The following DMRT1 variants were observed in gnomAD, a reference collection of about 807,000 sequenced individuals.
The protein encoded by DMRT1 is doublesex- and mab-3-related transcription factor 1.
A neutral mutation model predicts 32.3 loss-of-function variants in DMRT1; 7 were observed. That is an observed-to-expected ratio of 0.22 (90% CI 0.12 to 0.41). The LOEUF (loss-of-function observed/expected upper bound fraction) is 0.41, where lower values mean the gene tolerates loss of function less well. DMRT1 is among the 10% of genes least tolerant of loss of function. The probability of loss-of-function intolerance (pLI) is 1.00; values close to 1 mark genes in which losing one functional copy is unlikely to be tolerated. For missense variants in DMRT1, 625 were observed against 500.5 expected, an observed-to-expected ratio of 1.25 and a Z score of -2.37; for synonymous variants, 278 against 206.1, an observed-to-expected ratio of 1.35 and a Z score of -2.99.
At chr9:849,605 G>T (rs1839051544) in intron 2 of DMRT1, among the ~76,000 whole-genome samples, 1 of 152,208 alleles carries the variant, frequency 6.6e-6, no homozygotes, top group Admixed American at 6.5e-5. Flanking sequence ...AGCAGTAGGG[G>T]GGCAAGATAG....
At chr9:932,528 C>G (rs890795318) in intron 4 of DMRT1, among the ~76,000 whole-genome samples, 1 of 152,188 alleles carries the variant, frequency 6.6e-6, no homozygotes, top group Non-Finnish European at 1.5e-5. Context: ...TCAGTCCTAA[C>G]AACAATCTTA....
intron 4 of DMRT1, among the ~76,000 whole-genome samples, chr9:927,051 T>C (rs1427691593): frequency 6.6e-6 from 1 of 152,220 alleles, no homozygotes; most frequent in Non-Finnish European, 1.5e-5. Flanking sequence ...ACTCATGAGA[T>C]TTCCTCATTT....
At chr9:886,145 A>G (rs1032854669) in intron 2 of DMRT1, among the ~76,000 whole-genome samples, 3 of 152,228 alleles carry the variant, frequency 2.0e-5, no homozygotes, top group Admixed American at 6.5e-5. Flanking sequence ...TCCGTGTTAC[A>G]GTGCACACAA....
chr9:947,125 A>T (rs2129936619), intron 4 of DMRT1, among the ~76,000 whole-genome samples: 1 of 152,350 alleles, frequency 6.6e-6, no homozygotes, highest in Admixed American at 6.5e-5. Flanking sequence ...TTAGTGGCTG[A>T]ATTCCAGTAA....
chr9:851,008 G>T (rs181606916), intron 2 of DMRT1, among the ~76,000 whole-genome samples: 1 of 132,824 alleles, frequency 7.5e-6, no homozygotes, highest in African/African-American at 2.8e-5. Context: ...CGGCCTGGGC[G>T]ACAGGGTGAG....
chr9:925,072 C>T (rs1818477238), intron 4 of DMRT1, among the ~76,000 whole-genome samples: 1 of 152,208 alleles, frequency 6.6e-6, no homozygotes, highest in African/African-American at 2.4e-5. Context: ...GGAGGTCACA[C>T]TTACTCATGT....
intron 2 of DMRT1, among the ~76,000 whole-genome samples, chr9:884,575 G>A (rs1816852389): frequency 6.6e-6 from 1 of 152,220 alleles, no homozygotes; most frequent in African/African-American, 2.4e-5. Context: ...TTTTCCAGAT[G>A]TGTATTTCTT....
Position 923,039 on chromosome 9 carries a change from G to A in DMRT1, c.967+6132G>A, listed in dbSNP as rs147539732. Among the ~76,000 whole-genome samples the A allele has an allele frequency of 1.6e-4, 24 of 152,318 alleles. 1 individual carries two copies. In the East Asian group the frequency reaches 3.5e-3, roughly 22 times the overall value. ...GGCGTTGGCAATGTCGTGGACCAGGGAGTCTAGCAGTGCCTGATTTCACTG... is the reference window on the plus strand; with the variant it reads ...GGCGTTGGCAATGTCGTGGACCAGGAAGTCTAGCAGTGCCTGATTTCACTG... On this transcript the variant is annotated intron_variant, in intron 4 of 4. Transcript: ENST00000382276.
At chr9:872,998 A>G (rs139073178) in intron 2 of DMRT1, among the ~76,000 whole-genome samples, 1 of 152,360 alleles carries the variant, frequency 6.6e-6, no homozygotes, top group East Asian at 1.9e-4. Context: ...TTCACATGCC[A>G]GTGTCTTTCG....
chr9:858,473 C>T (rs962693100), intron 2 of DMRT1, among the ~76,000 whole-genome samples: 1 of 152,118 alleles, frequency 6.6e-6, no homozygotes, highest in African/African-American at 2.4e-5. Flanking sequence ...CCTCAGGTAC[C>T]TACTTACTTT....
chr9:859,460 C>A (rs1297333213), intron 2 of DMRT1, among the ~76,000 whole-genome samples: 1 of 152,150 alleles, frequency 6.6e-6, no homozygotes, highest in African/African-American at 2.4e-5. Flanking sequence ...TCAGTGCTCT[C>A]TCACGGAGTC....
chr9:855,063 G>A (rs894448383), intron 2 of DMRT1, among the ~76,000 whole-genome samples: 12 of 151,734 alleles, frequency 7.9e-5, no homozygotes, highest in African/African-American at 2.4e-4. Flanking sequence ...CACCATGCCC[G>A]GCCAGGGACT....
intron 2 of DMRT1, among the ~76,000 whole-genome samples, chr9:888,230 C>T (rs1249005651): frequency 6.6e-6 from 1 of 151,980 alleles, no homozygotes; most frequent in Non-Finnish European, 1.5e-5. Flanking sequence ...GATACACACA[C>T]AGTACATACA....
chr9:863,024 T>G (rs141553932), intron 2 of DMRT1, among the ~76,000 whole-genome samples: 36 of 151,636 alleles, frequency 2.4e-4, no homozygotes, highest in African/African-American at 8.2e-4. Flanking sequence ...TCCTTAAAAG[T>G]GGAGAGCTCC....
At position 863,551 on chromosome 9, in the gene DMRT1, C is replaced by G. The variant is rs1240003998; in HGVS notation, c.538+16408C>G. Among the ~76,000 whole-genome samples, 3 of 152,156 alleles carry G rather than the reference C, an allele frequency of 2.0e-5. No individual in the cohort carries two copies. In the South Asian group the frequency reaches 6.2e-4, roughly 32 times the overall value. On this transcript the variant is annotated intron_variant, in intron 2 of 4. Transcript: ENST00000382276. Reference sequence around the variant, plus strand: ...AGCCAGCAAGGAATGGGACCTAGTCCTACTAACACACAGGGAGCTGAATTC... The same window carrying G: ...AGCCAGCAAGGAATGGGACCTAGTCGTACTAACACACAGGGAGCTGAATTC...
intron 2 of DMRT1, among the ~76,000 whole-genome samples, chr9:866,222 C>G (rs1441861606): frequency 6.9e-6 from 1 of 144,926 alleles, no homozygotes; most frequent in Non-Finnish European, 1.5e-5. Context: ...CACAAATACT[C>G]AGGACTCTGA....
intron 2 of DMRT1, among the ~76,000 whole-genome samples, chr9:882,795 TCTCA>T (rs1293855712): frequency 1.5e-4 from 21 of 142,362 alleles, no homozygotes; most frequent in African/African-American, 4.9e-4. Flanking sequence ...TCTGAGACAG[TCTCA>T]CTCACTCTGT....
chr9:883,736 G>A lies in DMRT1; in HGVS notation c.539-10176G>A, dbSNP rs114263281. ...GAGCCTAGCAGTTGGAGGCTGCCGT[G>A]AGCCATGATCACACCACTGCACTTC... On this transcript the variant is annotated intron_variant, in intron 2 of 4. Coordinates refer to ENST00000382276, the MANE Select transcript of DMRT1 (RefSeq NM_021951.3). 7.7e-3 allele frequency among the ~76,000 whole-genome samples: 1,168 copies of A among 151,110 alleles called. 10 individuals carry two copies. The highest frequency in any genetic ancestry group is 0.027 in the African/African-American group (1,112 of 41,128).
intron 3 of DMRT1, among the ~76,000 whole-genome samples, chr9:900,059 T>C (rs1167716080): frequency 6.6e-6 from 1 of 152,248 alleles, no homozygotes; most frequent in East Asian, 1.9e-4. Flanking sequence ...GCCCACCATG[T>C]GCTGGGGATC....
Sources: gnomAD v4.1 joint callset for allele counts (sites outside exome capture counted in the v4.1 genomes callset) on GRCh38, gnomAD v4.1.1 for gene constraint, MANE v1.5 for transcripts, NCBI Gene and HGNC (gene_info 2026-07-23, HGNC 2026-07-21) for gene names.